Variants in ITFG1 observed in about 807,000 individuals in gnomAD.
The protein encoded by ITFG1 is integrin alpha FG-GAP repeat containing 1.
ITFG1 carries 34 observed loss-of-function variants against 81.8 expected under a neutral mutation model. That is an observed-to-expected ratio of 0.42 (90% CI 0.32 to 0.55). ITFG1 has a LOEUF of 0.55. Ranked by LOEUF, ITFG1 falls within the 20% of genes least tolerant of loss-of-function variation. ITFG1 has a pLI of 0.17. For missense variants in ITFG1, 672 were observed against 755.4 expected (o/e 0.89, Z 1.29); for synonymous variants, 285 against 270.6 (o/e 1.05, Z -0.52).
In ITFG1 at chr16:47,239,096, G is replaced by A. The variant is rs561406926; in HGVS notation, c.1331-1088C>T. Among the ~76,000 whole-genome samples the A allele has an allele frequency of 2.0e-5, 3 of 152,270 alleles. No homozygotes were observed. In the East Asian group the frequency reaches 5.8e-4, roughly 29 times the overall value. On this transcript the variant is annotated intron_variant, in intron 12 of 17. Transcript: ENST00000320640. ...ACAAGGTGCCATTTTTGAAGTAGAG[G>A]TGAGACCTTACCAGACACTGAATTT...
chr16:47,421,590 AC>A (rs1363244413), intron 6 of ITFG1, among the ~76,000 whole-genome samples: 1 of 152,198 alleles, frequency 6.6e-6, no homozygotes, highest in East Asian at 1.9e-4. Context: ...GGGGTGAGCC[AC>A]CATGCCCGGA....
intron 6 of ITFG1, among the ~76,000 whole-genome samples, chr16:47,393,925 AT>A (rs1172826626): frequency 2.0e-5 from 3 of 152,094 alleles, no homozygotes; most frequent in Non-Finnish European, 4.4e-5. Context: ...AAGTCTCTTT[AT>A]GTGAATTAAA....
chr16:47,274,213 C>T (rs558085987), intron 10 of ITFG1, among the ~76,000 whole-genome samples: 17 of 151,884 alleles, frequency 1.1e-4, no homozygotes, highest in East Asian at 1.9e-4. Context: ...GCCAAGATTA[C>T]GCCATTGCAC....
intron 6 of ITFG1, among the ~76,000 whole-genome samples, chr16:47,393,087 A>AGAGGGAG (rs914639796): frequency 2.0e-5 from 3 of 152,240 alleles, no homozygotes; most frequent in Non-Finnish European, 2.9e-5. Flanking sequence ...ACCAGCTAGT[A>AGAGGGAG]GAGGGAGGAG....
intron 8 of ITFG1, among the ~76,000 whole-genome samples, chr16:47,354,356 A>T (rs898938011): frequency 1.3e-5 from 2 of 152,192 alleles, no homozygotes; most frequent in Non-Finnish European, 2.9e-5. Context: ...TACATGCAGA[A>T]GAATGAAAGT....
chr16:47,290,165 C>T (rs1966889962), intron 10 of ITFG1, among the ~76,000 whole-genome samples: 1 of 152,060 alleles, frequency 6.6e-6, no homozygotes, highest in African/African-American at 2.4e-5. Flanking sequence ...AGTTTTGTTG[C>T]ATTGTGGTGA....
chr16:47,390,884 C>T (rs113353980), intron 6 of ITFG1, among the ~76,000 whole-genome samples: 2 of 152,042 alleles, frequency 1.3e-5, no homozygotes, highest in Non-Finnish European at 2.9e-5. Context: ...GCATATAATA[C>T]ATTATACTTA....
In ITFG1 at chr16:47,313,723, A is replaced by G; in HGVS notation, c.897+6T>C. On this transcript the variant is annotated splice_donor_region_variant and intron_variant, in intron 9 of 17. Transcript: ENST00000320640. ...AAATGTTTACATTAAAAACAACTTGATATACCTGCTTCATCCCAGATCTCA... is the reference window on the plus strand; with the variant it reads ...AAATGTTTACATTAAAAACAACTTGGTATACCTGCTTCATCCCAGATCTCA... The G allele has an allele frequency of 6.7e-7, 1 of 1,496,434 alleles. No individual in the cohort carries two copies. Among genetic ancestry groups the G allele is most frequent in the Non-Finnish European group, 9.2e-7 (1 of 1,089,702 alleles). 92.7% of individuals were successfully genotyped at this position (1,496,434 alleles called of 1,614,324 possible).
intron 14 of ITFG1, among the ~76,000 whole-genome samples, chr16:47,164,066 T>C (rs915754356): frequency 6.6e-6 from 1 of 152,142 alleles, no homozygotes; most frequent in African/African-American, 2.4e-5. Flanking sequence ...TGTTTCTTTG[T>C]ATGTCTTATA....
chr16:47,228,502 G>A (rs547961774), intron 13 of ITFG1, among the ~76,000 whole-genome samples: 4 of 152,104 alleles, frequency 2.6e-5, no homozygotes, highest in Admixed American at 6.5e-5. Flanking sequence ...GATTACAGGC[G>A]TGTGCCACCA....
At chr16:47,438,229 C>T (rs955514776) in intron 5 of ITFG1, among the ~76,000 whole-genome samples, 1 of 152,202 alleles carries the variant, frequency 6.6e-6, no homozygotes, top group African/African-American at 2.4e-5. Context: ...GGAGGCCTGC[C>T]TGCCTGCCTC....
intron 6 of ITFG1, among the ~76,000 whole-genome samples, chr16:47,409,786 A>G (rs1434846826): frequency 6.6e-6 from 1 of 151,896 alleles, no homozygotes; most frequent in Non-Finnish European, 1.5e-5. Flanking sequence ...AGCATGACAC[A>G]AAACACATAT....
At chr16:47,195,945 A>G (rs1965352245) in intron 14 of ITFG1, among the ~76,000 whole-genome samples, 1 of 151,762 alleles carries the variant, frequency 6.6e-6, no homozygotes, top group Admixed American at 6.6e-5. Context: ...TTCAACTCCC[A>G]CTTATGAGTG....
In ITFG1 at chr16:47,356,068, T is replaced by C. The variant is rs868359211; in HGVS notation, c.802+9720A>G. ...GAGTGTATAGTGTTTAAGGTAAGGA[T>C]ACAGCTTGTGAGACAGAGCCAAAGA... On this transcript the variant is annotated intron_variant, in intron 8 of 17. Coordinates refer to ENST00000320640, the MANE Select transcript of ITFG1 (RefSeq NM_030790.5). Among the ~76,000 whole-genome samples the C allele has an allele frequency of 6.6e-5, 10 of 152,128 alleles. 1 individual carries two copies. Among genetic ancestry groups the C allele is most frequent in the Non-Finnish European group, 5.9e-5 (4 of 68,004 alleles).
intron 8 of ITFG1, among the ~76,000 whole-genome samples, chr16:47,314,628 T>G (rs906465579): frequency 4.6e-5 from 7 of 152,284 alleles, no homozygotes; most frequent in African/African-American, 1.7e-4. Context: ...TCTCTAGTGC[T>G]CTCTCCCATC....
chr16:47,345,429 TAGC>T (rs1347151570), intron 8 of ITFG1, among the ~76,000 whole-genome samples: 1 of 151,898 alleles, frequency 6.6e-6, no homozygotes, highest in Non-Finnish European at 1.5e-5. Context: ...GCCTCCTGAG[TAGC>T]TGGGATTACA....
intron 6 of ITFG1, among the ~76,000 whole-genome samples, chr16:47,410,528 G>T (rs963864753): frequency 1.3e-5 from 2 of 151,968 alleles, no homozygotes; most frequent in African/African-American, 4.8e-5. Context: ...ACTTTGAACA[G>T]GTCTTTTGAG....
At chr16:47,437,903 C>T (rs768042711) in intron 5 of ITFG1, among the ~76,000 whole-genome samples, 15 of 152,184 alleles carry the variant, frequency 9.9e-5, no homozygotes, top group East Asian at 3.9e-4. Context: ...ACCTGGGAAG[C>T]GCAAGGGGTC....
chr16:47,356,772 T>C (rs1362957226), intron 8 of ITFG1, among the ~76,000 whole-genome samples: 1 of 152,094 alleles, frequency 6.6e-6, no homozygotes, highest in Non-Finnish European at 1.5e-5. Flanking sequence ...AGTGAAAATG[T>C]GGAGTTACGG....
Sources: gnomAD v4.1 joint callset for allele counts (sites outside exome capture counted in the v4.1 genomes callset) on GRCh38, gnomAD v4.1.1 for gene constraint, MANE v1.5 for transcripts, NCBI Gene and HGNC (gene_info 2026-07-23, HGNC 2026-07-21) for gene names.